Variants in CRACD observed in about 807,000 individuals in gnomAD.
The protein encoded by CRACD is capping protein inhibiting regulator of actin dynamics, also known as capping protein-inhibiting regulator of actin dynamics.
CRACD carries 56 observed loss-of-function variants against 106.8 expected under a neutral mutation model. That is an observed-to-expected ratio of 0.52 (90% CI 0.42 to 0.66). The LOEUF (loss-of-function observed/expected upper bound fraction) is 0.66. CRACD is among the 30% of genes least tolerant of loss of function. The probability of loss-of-function intolerance (pLI) is 0.00; values close to 1 mark genes in which losing one functional copy is unlikely to be tolerated. For synonymous variants in CRACD, 754 were observed against 670.8 expected (o/e 1.12, Z -1.92); for missense variants, 1,730 against 1,623.2 (o/e 1.07, Z -1.13).
At chr4:56,252,717 C>T (rs570213262) in intron 2 of CRACD, among the ~76,000 whole-genome samples, 4 of 152,270 alleles carry the variant, frequency 2.6e-5, no homozygotes, top group Admixed American at 1.3e-4. Flanking sequence ...TTCCTCAATA[C>T]ACACAACACC....
chr4:56,116,637 C>T (rs28426986), intron 1 of CRACD, among the ~76,000 whole-genome samples: 14,459 of 152,216 alleles, frequency 0.095, 743 homozygotes, highest in East Asian at 0.18. Flanking sequence ...TAAACTTACG[C>T]ATTTTAAATG....
chr4:56,239,763 C>T (rs902669139), intron 2 of CRACD, among the ~76,000 whole-genome samples: 17 of 152,216 alleles, frequency 1.1e-4, no homozygotes, highest in African/African-American at 4.1e-4. Context: ...ATTCAGCTTC[C>T]CCGTGTCCTG....
intron 1 of CRACD, among the ~76,000 whole-genome samples, chr4:56,065,998 G>A (rs998654972): frequency 1.8e-4 from 28 of 152,132 alleles, no homozygotes; most frequent in Admixed American, 1.1e-3. Context: ...GTTTATTCAC[G>A]TGGTAGCATC....
In CRACD at chr4:56,079,121, G is replaced by A. The variant is rs77709831; in HGVS notation, c.-336+29822G>A. Among the ~76,000 whole-genome samples the A allele has an allele frequency of 4.5e-4, 69 of 152,260 alleles. No individual in the cohort carries two copies. In the East Asian group the frequency reaches 0.012, roughly 26 times the overall value. On this transcript the variant is annotated intron_variant, in intron 1 of 10. Transcript: ENST00000682029. ...AGGTGCCTTTTATGTGGAGTCCAGC[G>A]TGTCCTGCCAGGGAAGAGGAGGCCA... is the stretch of plus-strand genomic sequence containing the variant.
intron 3 of CRACD, among the ~76,000 whole-genome samples, chr4:56,297,023 G>A (rs923998700): frequency 2.0e-5 from 3 of 151,718 alleles, no homozygotes; most frequent in South Asian, 4.2e-4. Flanking sequence ...GGGTTCAAGC[G>A]ATTCTCCCAT....
At chr4:56,149,795 A>G (rs1735520637) in intron 1 of CRACD, among the ~76,000 whole-genome samples, 1 of 152,132 alleles carries the variant, frequency 6.6e-6, no homozygotes, top group Non-Finnish European at 1.5e-5. Flanking sequence ...TCTCCTGGAG[A>G]TTGCTGTAAT....
intron 1 of CRACD, among the ~76,000 whole-genome samples, chr4:56,054,066 TG>T (rs1731968062): frequency 6.6e-6 from 1 of 152,216 alleles, no homozygotes; most frequent in South Asian, 2.1e-4. Context: ...TTACAGTTTT[TG>T]TGAGCATCAG....
chr4:56,300,547 C>A (rs1744312248), intron 4 of CRACD, among the ~76,000 whole-genome samples: 1 of 152,026 alleles, frequency 6.6e-6, no homozygotes, highest in Non-Finnish European at 1.5e-5. Flanking sequence ...TCCTCCTTAC[C>A]TTTCCTTCTT....
intron 3 of CRACD, among the ~76,000 whole-genome samples, chr4:56,276,894 T>C (rs1353054435): frequency 1.3e-5 from 2 of 152,230 alleles, no homozygotes; most frequent in African/African-American, 4.8e-5. Flanking sequence ...TACAACACTT[T>C]ATATTAAGTG....
intron 2 of CRACD, among the ~76,000 whole-genome samples, chr4:56,268,694 C>G (rs1255683168): frequency 6.6e-6 from 1 of 152,200 alleles, no homozygotes; most frequent in Non-Finnish European, 1.5e-5. Context: ...ATACAGCAGT[C>G]ATTGCCAAAG....
At chr4:56,058,227 G>A (rs1374095993) in intron 1 of CRACD, among the ~76,000 whole-genome samples, 2 of 152,004 alleles carry the variant, frequency 1.3e-5, no homozygotes, top group Non-Finnish European at 2.9e-5. Context: ...GTGCCACCAC[G>A]CCTGGCTAAT....
intron 1 of CRACD, among the ~76,000 whole-genome samples, chr4:56,066,602 T>G (rs1299122959): frequency 1.3e-5 from 2 of 152,188 alleles, no homozygotes; most frequent in Non-Finnish European, 1.5e-5. Context: ...GTAATTGCAG[T>G]CCTCATTCTG....
At chr4:56,177,887 G>T (rs1485243445) in intron 1 of CRACD, among the ~76,000 whole-genome samples, 3 of 151,774 alleles carry the variant, frequency 2.0e-5, no homozygotes, top group Non-Finnish European at 4.4e-5. Context: ...TTATTTATTT[G>T]AGTCTTCTCT....
At chr4:56,290,183 C>G (rs970492158) in intron 3 of CRACD, among the ~76,000 whole-genome samples, 10 of 152,200 alleles carry the variant, frequency 6.6e-5, no homozygotes, top group African/African-American at 2.4e-4. Flanking sequence ...AATAGGTCTG[C>G]GAGCTCAGGA....
intron 2 of CRACD, among the ~76,000 whole-genome samples, chr4:56,180,084 C>T (rs933066497): frequency 6.6e-6 from 1 of 152,034 alleles, no homozygotes; most frequent in Non-Finnish European, 1.5e-5. Context: ...GAAACAGTGG[C>T]CTTGTGTCTC....
chr4:56,171,457 A>C (rs1350885318), intron 1 of CRACD, among the ~76,000 whole-genome samples: 3 of 152,214 alleles, frequency 2.0e-5, no homozygotes, highest in African/African-American at 4.8e-5. Context: ...GCTGTAGATC[A>C]GAGACTGGTG....
intron 3 of CRACD, chr4:56,297,930 TA>T (rs912411783): frequency 3.3e-5 from 7 of 209,590 alleles, no homozygotes; most frequent in African/African-American, 1.6e-4. Context: ...CTCTTCCAAT[TA>T]AAAGTTCTGC....
rs116708212 is a variant in CRACD, at chr4:56,105,328, G to A, written c.-336+56029G>A. Among the ~76,000 whole-genome samples the A allele has an allele frequency of 4.0e-3, 602 of 152,226 alleles. 5 individuals carry two copies. The highest frequency in any genetic ancestry group is 0.014 in the African/African-American group (579 of 41,538). On this transcript the variant is annotated intron_variant, in intron 1 of 10. Transcript: ENST00000682029. ...AGCCTCGGCAGCATGGCAAAACTCCGTCTCTACAGAAAATGAAAAAATTAG... is the reference window on the plus strand; with the variant it reads ...AGCCTCGGCAGCATGGCAAAACTCCATCTCTACAGAAAATGAAAAAATTAG...
Position 56,315,726 on chromosome 4 carries a change from G to T in CRACD, c.2224G>T (p.Ala742Ser). The T allele has an allele frequency of 6.2e-7, 1 of 1,614,230 alleles. No individual in the cohort carries two copies. The highest frequency in any genetic ancestry group is 2.2e-5 in the East Asian group (1 of 44,870). Residue 742 changes from alanine to serine, a missense_variant, in exon 8 of 11, where the codon GCT (alanine) becomes TCT (serine). Around this residue, in one of 5 missense-constraint regions of CRACD, gnomAD observed 1,620 missense variants for 1,481.6 expected, o/e 1.09. Transcript: ENST00000682029. This position sits in a 1 kb window ranked among gnomAD's most constrained non-coding sequence, Gnocchi z 4.1. The part of the protein sequence containing the change: ...GTETSKQSTE[A>S]ESIRKRPMLG... ...GGAGACCTCCAAACAGAGCACGGAAGCTGAAAGCATACGAAAAAGACCCAT... is the reference window on the plus strand; with the variant it reads ...GGAGACCTCCAAACAGAGCACGGAATCTGAAAGCATACGAAAAAGACCCAT...
Sources: allele counts gnomAD v4.1 joint callset (sites outside exome capture counted in the v4.1 genomes callset), GRCh38; gene constraint gnomAD v4.1.1; regional missense constraint gnomAD v4.1.1; non-coding constraint Gnocchi (gnomAD v3.1); transcripts MANE v1.5; gene names NCBI Gene and HGNC (gene_info 2026-07-23, HGNC 2026-07-21).